Variants in MAP3K15 observed in about 807,000 individuals in gnomAD.
MAP3K15 encodes the protein mitogen-activated protein kinase kinase kinase 15.
A neutral mutation model predicts 99.5 loss-of-function variants in MAP3K15; 124 were observed. That is an observed-to-expected ratio of 1.25 (90% CI 1.08 to 1.45). MAP3K15 has a LOEUF of 1.45. Among genes scored for constraint, MAP3K15 ranks in the 40% most tolerant of loss-of-function variants. The pLI, the probability that MAP3K15 is intolerant of heterozygous loss-of-function variation, is 0.00. For missense variants in MAP3K15, 1,242 were observed against 1,079.7 expected (o/e 1.15, Z -2.11); for synonymous variants, 494 against 439.6 (o/e 1.12, Z -1.55).
intron 4 of MAP3K15, among the ~76,000 whole-genome samples, chrX:19,462,346 A>T (rs2064138846): frequency 9.0e-6 from 1 of 111,614 alleles, no homozygotes; most frequent in Non-Finnish European, 1.9e-5. Context: ...TTTTTTGTTA[A>T]TTGCCATCAT....
chrX:19,376,578 T>C (rs947833922), intron 19 of MAP3K15, among the ~76,000 whole-genome samples: 9 of 111,035 alleles, frequency 8.1e-5, no homozygotes, highest in African/African-American at 2.6e-4. Context: ...CCTGAGTAGC[T>C]GGGACCACAG....
In MAP3K15 at chrX:19,449,095, G is replaced by C. The variant is rs1341013072; in HGVS notation, c.995+7818C>G. The stretch of plus-strand genomic sequence containing the variant: ...GGCCACATTACAAGCAGTTTTTCTT[G>C]TCTACTTTAAGCAACCATAATTCCT... On this transcript the variant is annotated intron_variant, in intron 6 of 28. Transcript: ENST00000338883. Among the ~76,000 whole-genome samples the C allele has an allele frequency of 1.8e-5, 2 of 109,502 alleles. 1 individual carries two copies. The highest frequency in any genetic ancestry group is 3.9e-5 in the Non-Finnish European group (2 of 51,784).
At chrX:19,403,952 A>G (rs1039477217) in intron 13 of MAP3K15, among the ~76,000 whole-genome samples, 4 of 112,063 alleles carry the variant, frequency 3.6e-5, no homozygotes, top group Non-Finnish European at 7.5e-5. Flanking sequence ...CTTTCTTCTT[A>G]AAAACAGGAA....
chrX:19,488,756 T>C, intron 2 of MAP3K15, 72 bp downstream of exon 2: 1 of 1,024,127 alleles, frequency 9.8e-7, no homozygotes, highest in Non-Finnish European at 1.3e-6. Flanking sequence ...TGTGCTACTG[T>C]GGCATTTCAG....
Position 19,431,335 on chromosome X carries a change from C to T in MAP3K15, c.1166+103G>A, listed in dbSNP as rs943808767. 2.7e-5 allele frequency: 21 copies of T among 770,305 alleles called. No homozygotes were observed. In the African/African-American group the frequency reaches 4.0e-4, roughly 15 times the overall value. 63.5% of individuals were successfully genotyped at this position (770,305 alleles called of 1,213,427 possible). A position where few individuals can be genotyped will look rare whatever the true frequency, so the allele number is the denominator to read the frequency against. ...TTTACTACAAATGTTTGCTCCCTGC[C>T]AACAGACAGACATATACATAAGGAA... is the stretch of plus-strand genomic sequence containing the variant. On this transcript the variant is annotated intron_variant, in intron 7 of 28. Coordinates refer to ENST00000338883, the MANE Select transcript of MAP3K15 (RefSeq NM_001001671.4).
chrX:19,428,819 A>T (rs1441548595), intron 7 of MAP3K15, among the ~76,000 whole-genome samples: 1 of 111,070 alleles, frequency 9.0e-6, no homozygotes, highest in African/African-American at 3.3e-5. Context: ...ATACAAAAAA[A>T]TTAGCCGGGC....
chrX:19,491,023 A>G (rs1331555952), intron 1 of MAP3K15, among the ~76,000 whole-genome samples: 1 of 111,185 alleles, frequency 9.0e-6, no homozygotes, highest in Non-Finnish European at 1.9e-5. Flanking sequence ...AGTCACTCAA[A>G]ATCCCGATGG....
rs1166525978 is a variant in MAP3K15 at position 19,398,216 on chromosome X, C to G, written c.2066+10G>C. On this transcript the variant is annotated intron_variant, in intron 15 of 28. Transcript: ENST00000338883. ...GGCACCCGAAATGCGGAAGGCCCGC[C>G]TGGACTTGCCTGCTATCTCTCTCCG... 1.7e-6 allele frequency: 2 copies of G among 1,209,494 alleles called. No individual in the cohort carries two copies. The highest frequency in any genetic ancestry group is 2.2e-5 in the Admixed American group (1 of 45,702).
intron 13 of MAP3K15, among the ~76,000 whole-genome samples, chrX:19,402,143 A>T (rs6629340): frequency 0.085 from 7,123 of 83,447 alleles, 672 homozygotes; most frequent in African/African-American, 0.53. Context: ...TTTTTTTTTT[A>T]AATTAGCCAG....
At chrX:19,409,882 T>C in intron 12 of MAP3K15, 42 bp downstream of exon 12, 1 of 999,624 alleles carries the variant, frequency 1.0e-6, no homozygotes, top group Non-Finnish European at 1.4e-6. Context: ...ATTATCATCA[T>C]TTGCATTAAA....
Position 19,464,243 on chromosome X carries a change from C to T in MAP3K15, c.689G>A (p.Ser230Asn). 1 of 1,199,651 alleles carries T rather than the reference C, an allele frequency of 8.3e-7. No homozygotes were observed. The highest frequency in any genetic ancestry group is 1.1e-6 in the Non-Finnish European group (1 of 894,952). Residue 230 changes from serine (S) to asparagine (N), a missense_variant, in exon 4 of 29, where the codon AGC becomes AAC. Coordinates refer to ENST00000338883, the MANE Select transcript of MAP3K15 (RefSeq NM_001001671.4). ...GGTCACGTGGATGTCCTTAAGGAGG[C>T]TAATGAACCTGTCCACCAAAGGCAT... ...LCMPLVDRFI[S>N]LLKDIHVTSC... is the part of the protein sequence containing the mutation.
intron 3 of MAP3K15, among the ~76,000 whole-genome samples, chrX:19,482,488 A>G (rs1395959463): frequency 8.9e-6 from 1 of 112,374 alleles, no homozygotes; most frequent in Non-Finnish European, 1.9e-5. Context: ...AAGTGATAGA[A>G]GCCAGATGCA....
intron 14 of MAP3K15, among the ~76,000 whole-genome samples, chrX:19,399,750 A>G (rs986312278): frequency 9.4e-6 from 1 of 105,919 alleles, no homozygotes; most frequent in East Asian, 2.9e-4. Context: ...AAAAAAAAAA[A>G]AAAAAAAAAA....
chrX:19,482,899 C>T (rs2064300517), intron 3 of MAP3K15, among the ~76,000 whole-genome samples: 1 of 111,199 alleles, frequency 9.0e-6, no homozygotes, highest in Admixed American at 9.6e-5. Context: ...AGGTGGTCCA[C>T]CCTGAAGTCT....
At chrX:19,361,245 T>C in intron 28 of MAP3K15, 94 bp downstream of exon 28, 1 of 737,379 alleles carries the variant, frequency 1.4e-6, no homozygotes. Flanking sequence ...CTCCAGAGTT[T>C]GGGGGGAGGC....
At position 19,360,145 on chromosome X, in the gene MAP3K15, T is replaced by G. The variant is rs2063263293; in HGVS notation, c.*604A>C. On this transcript the variant is annotated 3_prime_UTR_variant, in exon 29 of 29. Transcript: ENST00000338883. The stretch of plus-strand genomic sequence containing the variant: ...TAATCATTCCAATTTTGTAATCATT[T>G]CAAAGGCCACATAACTTAGTTTTCT... 1 of 155,771 alleles carries G rather than the reference T, an allele frequency of 6.4e-6. No homozygotes were observed. Among genetic ancestry groups the G allele is most frequent in the African/African-American group, 3.1e-5 (1 of 31,817 alleles). 12.8% of individuals were successfully genotyped at this position (155,771 alleles called of 1,213,427 possible).
chrX:19,410,569 A>G (rs2063679656), intron 11 of MAP3K15, among the ~76,000 whole-genome samples: 1 of 111,961 alleles, frequency 8.9e-6, no homozygotes, highest in Non-Finnish European at 1.9e-5. Flanking sequence ...TGCAAGATGG[A>G]ATGCCCCCCA....
chrX:19,499,968 C>T (rs1018948428), intron 1 of MAP3K15, among the ~76,000 whole-genome samples: 3 of 112,783 alleles, frequency 2.7e-5, no homozygotes, highest in African/African-American at 9.7e-5. Context: ...AATAATTGGC[C>T]GGGTGCAGTG....
chrX:19,411,750 C>T (rs991515350), intron 11 of MAP3K15, among the ~76,000 whole-genome samples: 29 of 111,312 alleles, frequency 2.6e-4, no homozygotes, highest in South Asian at 3.8e-4. Context: ...TGCAAAGGCC[C>T]TGAGGAGGGG....
Sources: gnomAD v4.1 joint callset for allele counts (sites outside exome capture counted in the v4.1 genomes callset) on GRCh38, gnomAD v4.1.1 for gene constraint, MANE v1.5 for transcripts, NCBI Gene and HGNC (gene_info 2026-07-23, HGNC 2026-07-21) for gene names.